The following CDH12 variants were observed in gnomAD, a reference collection of about 807,000 sequenced individuals.
CDH12 encodes cadherin 12, also known as cadherin-12.
Under a neutral mutation model 74.1 loss-of-function variants are expected in CDH12, and 41 were observed. That is an observed-to-expected ratio of 0.55 (90% confidence interval 0.43 to 0.72). The LOEUF (loss-of-function observed/expected upper bound fraction) is 0.72, where lower values mean the gene tolerates loss of function less well. Among genes scored for constraint, CDH12 ranks in the 30% least tolerant of loss-of-function variants. The pLI, the probability that CDH12 is intolerant of heterozygous loss-of-function variation, is 0.00. For synonymous variants in CDH12, 399 were observed against 355.0 expected, an observed-to-expected ratio of 1.12 and a Z score of -1.39; for missense variants, 945 against 977.2, an observed-to-expected ratio of 0.97 and a Z score of 0.44.
intron 1 of CDH12, among the ~76,000 whole-genome samples, chr5:22,798,625 G>A (rs1166827443): frequency 6.6e-6 from 1 of 151,776 alleles, no homozygotes; most frequent in African/African-American, 2.4e-5. Flanking sequence ...CTAACAAAAT[G>A]AACTCAAAAG....
intron 3 of CDH12, among the ~76,000 whole-genome samples, chr5:22,305,584 C>T (rs1738070040): frequency 6.6e-6 from 1 of 152,006 alleles, no homozygotes; most frequent in Admixed American, 6.6e-5. Flanking sequence ...CATTGTATCT[C>T]CTCTATGATC....
chr5:22,050,762 G>A (rs1194349548), intron 5 of CDH12, among the ~76,000 whole-genome samples: 1 of 152,132 alleles, frequency 6.6e-6, no homozygotes. Context: ...GGTATTTCAT[G>A]GAGAGTTTCT....
chr5:21,756,629 GA>G (rs1561156661), intron 13 of CDH12, among the ~76,000 whole-genome samples: 1 of 152,088 alleles, frequency 6.6e-6, no homozygotes, highest in Non-Finnish European at 1.5e-5. Flanking sequence ...CAAATAAGCA[GA>G]AATTTTGTTT....
intron 1 of CDH12, among the ~76,000 whole-genome samples, chr5:22,524,148 AATTTTTTGT>A (rs1341610028): frequency 6.6e-6 from 1 of 151,794 alleles, no homozygotes; most frequent in Non-Finnish European, 1.5e-5. Flanking sequence ...ATATCTGGCT[AATTTTTTGT>A]ATTTTTTGTA....
chr5:22,621,421 T>C (rs939032549), intron 1 of CDH12, among the ~76,000 whole-genome samples: 3 of 152,096 alleles, frequency 2.0e-5, no homozygotes, highest in African/African-American at 4.8e-5. Flanking sequence ...AAATGCCTTA[T>C]ACTAGAAGGT....
intron 1 of CDH12, among the ~76,000 whole-genome samples, chr5:22,820,803 G>A (rs1434185328): frequency 6.6e-6 from 1 of 152,076 alleles, no homozygotes; most frequent in Non-Finnish European, 1.5e-5. Flanking sequence ...TCTACCAGAG[G>A]TACAAGGAGG....
chr5:22,718,990 T>A (rs1053240083), intron 1 of CDH12, among the ~76,000 whole-genome samples: 3 of 152,190 alleles, frequency 2.0e-5, no homozygotes, highest in African/African-American at 7.2e-5. Context: ...ATAGAGCTTT[T>A]ACTGAGGTTC....
chr5:22,311,050 T>A (rs1738366715), intron 3 of CDH12, among the ~76,000 whole-genome samples: 1 of 152,220 alleles, frequency 6.6e-6, no homozygotes, highest in Admixed American at 6.5e-5. Flanking sequence ...TATTTTATAT[T>A]TACTTTATGT....
intron 5 of CDH12, among the ~76,000 whole-genome samples, chr5:22,040,116 T>C (rs1739466061): frequency 6.6e-6 from 1 of 151,666 alleles, no homozygotes; most frequent in Non-Finnish European, 1.5e-5. Flanking sequence ...AAGATAGATA[T>C]CATAAAAAAG....
chr5:21,820,705 T>A (rs772474086), intron 8 of CDH12, among the ~76,000 whole-genome samples: 1 of 151,990 alleles, frequency 6.6e-6, no homozygotes, highest in African/African-American at 2.4e-5. Flanking sequence ...TTCCAATGAC[T>A]TGACATTTTA....
At chr5:22,544,050 T>C (rs1231850899) in intron 1 of CDH12, among the ~76,000 whole-genome samples, 2 of 152,060 alleles carry the variant, frequency 1.3e-5, no homozygotes, top group African/African-American at 4.8e-5. Flanking sequence ...AAAATGCCAA[T>C]ACCAATGGAA....
At chr5:22,770,726 A>C (rs1366079110) in intron 1 of CDH12, among the ~76,000 whole-genome samples, 1 of 152,122 alleles carries the variant, frequency 6.6e-6, no homozygotes, top group East Asian at 1.9e-4. Context: ...CCATTTAACT[A>C]TATGATCCTA....
chr5:22,774,537 T>C (rs1746986729), intron 1 of CDH12, among the ~76,000 whole-genome samples: 1 of 152,210 alleles, frequency 6.6e-6, no homozygotes, highest in East Asian at 1.9e-4. Flanking sequence ...GGCAAGTCTT[T>C]CCCATGCTGT....
chr5:21,770,361 C>T (rs1287130106), intron 11 of CDH12, among the ~76,000 whole-genome samples: 3 of 152,106 alleles, frequency 2.0e-5, no homozygotes, highest in Non-Finnish European at 2.9e-5. Flanking sequence ...TGGTGGCTCA[C>T]GCCTGTAATC....
chr5:22,721,684 C>A (rs1204040650), intron 1 of CDH12, among the ~76,000 whole-genome samples: 1 of 152,042 alleles, frequency 6.6e-6, no homozygotes, highest in East Asian at 1.9e-4. Context: ...GTTTTCCCAC[C>A]CAAATCTCAT....
At chr5:22,849,846 G>T (rs1009282433) in intron 1 of CDH12, among the ~76,000 whole-genome samples, 1 of 151,734 alleles carries the variant, frequency 6.6e-6, no homozygotes, top group Non-Finnish European at 1.5e-5. Context: ...ATGGAGCAAG[G>T]GTTATGAAAG....
chr5:22,673,001 G>A (rs1242243429), intron 1 of CDH12, among the ~76,000 whole-genome samples: 2 of 151,862 alleles, frequency 1.3e-5, no homozygotes, highest in Non-Finnish European at 2.9e-5. Context: ...CTATCTTTCT[G>A]ATTTGGGGCA....
chr5:22,704,595 T>C (rs1415395467), intron 1 of CDH12, among the ~76,000 whole-genome samples: 2 of 152,104 alleles, frequency 1.3e-5, no homozygotes, highest in Admixed American at 1.3e-4. Context: ...AAAAATCTGT[T>C]GAAATATTTA....
At chr5:22,125,091 T>C (rs564577914) in intron 4 of CDH12, among the ~76,000 whole-genome samples, 1 of 152,230 alleles carries the variant, frequency 6.6e-6, no homozygotes, top group African/African-American at 2.4e-5. Context: ...CGGGGTTTGA[T>C]ACAACCATTT....
Sources: gnomAD v4.1 joint callset for allele counts (sites outside exome capture counted in the v4.1 genomes callset) on GRCh38, gnomAD v4.1.1 for gene constraint, MANE v1.5 for transcripts, NCBI Gene and HGNC (gene_info 2026-07-23, HGNC 2026-07-21) for gene names.